The following FGF13 variants were observed in gnomAD, a reference collection of about 807,000 sequenced individuals.
The protein encoded by FGF13 is fibroblast growth factor homologous factor 2.
Under a neutral mutation model 19.5 loss-of-function variants are expected in FGF13, and 2 were observed. The ratio of observed to expected loss-of-function variants is 0.10; its 90% confidence interval spans 0.04 to 0.32. FGF13 has a LOEUF of 0.32. FGF13 is among the 10% of genes least tolerant of loss of function. The pLI is 1.00. For synonymous variants in FGF13, 72 were observed against 76.9 expected, an observed-to-expected ratio of 0.94 and a Z score of 0.33; for missense variants, 113 against 192.7, an observed-to-expected ratio of 0.59 and a Z score of 2.45.
chrX:139,197,235 A>G (rs779769701), intron 1 of FGF13, among the ~76,000 whole-genome samples: 1 of 112,514 alleles, frequency 8.9e-6, no homozygotes, highest in Non-Finnish European at 1.9e-5. Flanking sequence ...GTGTGACTTC[A>G]TATAAGCTAC....
chrX:138,741,161 T>C (rs758145252), upstream of FGF13, among the ~76,000 whole-genome samples: 1 of 112,474 alleles, frequency 8.9e-6, no homozygotes, highest in African/African-American at 3.2e-5. Flanking sequence ...GGAGGCAGTC[T>C]CTCTTGGCCA....
chrX:139,084,855 T>C (rs1053828910), intron 1 of FGF13, among the ~76,000 whole-genome samples: 7 of 112,362 alleles, frequency 6.2e-5, no homozygotes, highest in African/African-American at 2.3e-4. Context: ...TAATGATAAA[T>C]TCATTTGAGC....
At chrX:138,778,774 A>C (rs2090612827) in intron 3 of FGF13, among the ~76,000 whole-genome samples, 1 of 112,642 alleles carries the variant, frequency 8.9e-6, no homozygotes, top group Non-Finnish European at 1.9e-5. Flanking sequence ...TTGATTAGGT[A>C]AACAAAGCAG....
At chrX:138,768,718 A>C (rs773230947) in intron 3 of FGF13, among the ~76,000 whole-genome samples, 16 of 96,034 alleles carry the variant, frequency 1.7e-4, no homozygotes, top group African/African-American at 7.0e-4. Flanking sequence ...TATATATATA[A>C]GTATATATTA....
At chrX:139,122,444 G>T (rs746926054) in intron 1 of FGF13, among the ~76,000 whole-genome samples, 1 of 111,202 alleles carries the variant, frequency 9.0e-6, no homozygotes, top group African/African-American at 3.3e-5. Context: ...CACTCCACTG[G>T]CACCATACTT....
intron 1 of FGF13, among the ~76,000 whole-genome samples, chrX:139,104,673 G>A (rs1272815859): frequency 1.8e-5 from 2 of 111,249 alleles, no homozygotes; most frequent in African/African-American, 3.3e-5. Flanking sequence ...GGGTACCAAC[G>A]TGATCAGATT....
chrX:139,080,756 T>C (rs12558649), intron 1 of FGF13, among the ~76,000 whole-genome samples: 21,824 of 110,575 alleles, frequency 0.2, 1,833 homozygotes, highest in African/African-American at 0.3. Flanking sequence ...CCTCTTCCTT[T>C]GTCTCAACTG....
At chrX:139,121,531 G>C (rs1324662489) in intron 1 of FGF13, among the ~76,000 whole-genome samples, 1 of 110,917 alleles carries the variant, frequency 9.0e-6, no homozygotes, top group African/African-American at 3.3e-5. Context: ...CTGAGTAGCT[G>C]GGACAACAGG....
chrX:139,046,476 G>A (rs1293245729), intron 1 of FGF13, among the ~76,000 whole-genome samples: 1 of 111,497 alleles, frequency 9.0e-6, no homozygotes, highest in Admixed American at 9.5e-5. Context: ...GTCACTATCT[G>A]CCTTGAATCA....
At chrX:138,795,182 T>C (rs771748632) in intron 3 of FGF13, among the ~76,000 whole-genome samples, 55 of 112,030 alleles carry the variant, frequency 4.9e-4, no homozygotes, top group African/African-American at 1.8e-3. Context: ...CAAGTGCCTC[T>C]AGCTAACACT....
chrX:139,037,623 C>G (rs1039224370), intron 1 of FGF13, among the ~76,000 whole-genome samples: 8 of 111,544 alleles, frequency 7.2e-5, no homozygotes, highest in Non-Finnish European at 1.1e-4. Flanking sequence ...TTCCTTGGCT[C>G]ATAGCTCTAC....
intron 3 of FGF13, among the ~76,000 whole-genome samples, chrX:138,810,394 T>G (rs1220584220): frequency 9.0e-5 from 10 of 111,352 alleles, no homozygotes; most frequent in East Asian, 2.8e-4. Context: ...TAGCCATATG[T>G]AGAAAGCTGA....
intron 3 of FGF13, among the ~76,000 whole-genome samples, chrX:138,799,101 G>C (rs947350899): frequency 9.9e-5 from 11 of 111,222 alleles, no homozygotes; most frequent in African/African-American, 2.9e-4. Flanking sequence ...TCTTCTGCTA[G>C]CTTTTAAATT....
At chrX:138,953,370 T>C (rs1247577994) in intron 1 of FGF13, among the ~76,000 whole-genome samples, 2 of 110,010 alleles carry the variant, frequency 1.8e-5, no homozygotes, top group African/African-American at 6.6e-5. Context: ...TAGGTGGGAA[T>C]TGAACAATGA....
chrX:138,810,035 T>G (rs2090908337), intron 3 of FGF13, among the ~76,000 whole-genome samples: 1 of 111,822 alleles, frequency 8.9e-6, no homozygotes, highest in Non-Finnish European at 1.9e-5. Context: ...AACTTATAGA[T>G]TCAATGCCAT....
At chrX:139,083,630 G>C (rs1177689683) in intron 1 of FGF13, among the ~76,000 whole-genome samples, 2 of 111,688 alleles carry the variant, frequency 1.8e-5, no homozygotes, top group Non-Finnish European at 3.8e-5. Context: ...CCAGCACTTT[G>C]GGAGGCCGAG....
At chrX:139,191,110 C>G (rs2084326073) in intron 1 of FGF13, among the ~76,000 whole-genome samples, 1 of 111,799 alleles carries the variant, frequency 8.9e-6, no homozygotes. Context: ...CACTCTGAAC[C>G]AAATCTCACT....
At chrX:138,959,271 G>A (rs761775447) in intron 1 of FGF13, among the ~76,000 whole-genome samples, 29 of 111,654 alleles carry the variant, frequency 2.6e-4, no homozygotes, top group Non-Finnish European at 4.7e-4. Context: ...CCTTCATTTC[G>A]TTATGTACCC....
At chrX:138,831,729 G>GA (rs753136993) in intron 3 of FGF13, among the ~76,000 whole-genome samples, 12 of 109,151 alleles carry the variant, frequency 1.1e-4, no homozygotes, top group Non-Finnish European at 1.9e-4. Flanking sequence ...TTTTTACGTA[G>GA]GTAAATTTGT....
Sources: allele counts gnomAD v4.1 joint callset (sites outside exome capture counted in the v4.1 genomes callset), GRCh38; gene constraint gnomAD v4.1.1; transcripts MANE v1.5; gene names NCBI Gene and HGNC (gene_info 2026-07-23, HGNC 2026-07-21).